The following FRMD4B variants were observed in gnomAD, a reference collection of about 807,000 sequenced individuals.
The protein encoded by FRMD4B is FERM domain-containing protein 4B.
In FRMD4B, 74 loss-of-function variants were observed where a neutral mutation model predicts 141.5. That is an observed-to-expected ratio of 0.52 (90% confidence interval 0.43 to 0.63). The LOEUF (loss-of-function observed/expected upper bound fraction) is 0.63. Among genes scored for constraint, FRMD4B ranks in the 30% least tolerant of loss-of-function variants. The pLI, the probability that FRMD4B is intolerant of heterozygous loss-of-function variation, is 0.00. For synonymous variants in FRMD4B, 506 were observed against 467.9 expected (o/e 1.08, Z -1.05); for missense variants, 1,366 against 1,253.4 (o/e 1.09, Z -1.36).
intron 2 of FRMD4B, among the ~76,000 whole-genome samples, chr3:69,432,109 C>T (rs55667048): frequency 0.013 from 2,024 of 152,172 alleles, 18 homozygotes; most frequent in African/African-American, 0.032. Context: ...GAAAATAAAA[C>T]GCCAGTACTG....
At chr3:69,294,264 A>G (rs758671478) in intron 4 of FRMD4B, among the ~76,000 whole-genome samples, 2 of 152,208 alleles carry the variant, frequency 1.3e-5, no homozygotes, top group South Asian at 2.1e-4. Flanking sequence ...GTAGATTTCT[A>G]TCAGATCCTC....
chr3:69,534,405 A>G (rs1010007263), intron 1 of FRMD4B, among the ~76,000 whole-genome samples: 1 of 152,186 alleles, frequency 6.6e-6, no homozygotes, highest in African/African-American at 2.4e-5. Context: ...TCTATCTATC[A>G]TCTAAAATTA....
intron 1 of FRMD4B, among the ~76,000 whole-genome samples, chr3:69,506,896 G>A (rs139048414): frequency 3.9e-5 from 6 of 152,224 alleles, no homozygotes; most frequent in East Asian, 1.9e-4. Flanking sequence ...CTGCGGTGAC[G>A]ATTTATTTTA....
At chr3:69,274,803 G>A (rs1003532039) in intron 5 of FRMD4B, among the ~76,000 whole-genome samples, 3 of 152,154 alleles carry the variant, frequency 2.0e-5, no homozygotes, top group South Asian at 2.1e-4. Context: ...ACAGGCATGA[G>A]CCACTGCACC....
At chr3:69,477,873 A>C (rs1402687472) in intron 1 of FRMD4B, among the ~76,000 whole-genome samples, 1 of 151,776 alleles carries the variant, frequency 6.6e-6, no homozygotes, top group Non-Finnish European at 1.5e-5. Flanking sequence ...TTATTGCCAC[A>C]ATTTCAGAGC....
At chr3:69,250,013 G>A in intron 6 of FRMD4B, 30 bp downstream of exon 6, 1 of 1,456,994 alleles carries the variant, frequency 6.9e-7, no homozygotes, top group Non-Finnish European at 9.6e-7. Flanking sequence ...ACACAAGGGA[G>A]CTGCTAAGAG....
chr3:69,435,144 T>C (rs1705239897), intron 1 of FRMD4B, among the ~76,000 whole-genome samples: 1 of 152,188 alleles, frequency 6.6e-6, no homozygotes, highest in Non-Finnish European at 1.5e-5. Context: ...TGAGGTACTA[T>C]GAATTAGGAC....
chr3:69,265,277 T>A (rs1167171452), intron 5 of FRMD4B, among the ~76,000 whole-genome samples: 1,672 of 5,310 alleles, frequency 0.31, 619 homozygotes, highest in East Asian at 0.58. Flanking sequence ...AAAATATATA[T>A]ATATATATAT....
chr3:69,179,705 G>A (rs2092685030), intron 21 of FRMD4B, among the ~76,000 whole-genome samples: 1 of 152,206 alleles, frequency 6.6e-6, no homozygotes, highest in African/African-American at 2.4e-5. Context: ...ATGTTAATAA[G>A]GGAGAAGGTG....
chr3:69,181,564 C>T lies in FRMD4B; in HGVS notation c.2186G>A (p.Gly729Glu), dbSNP rs867678169. 1.2e-6 allele frequency: 2 copies of T among 1,613,642 alleles called. No individual in the cohort carries two copies. Among genetic ancestry groups the T allele is most frequent in the Admixed American group, 1.7e-5 (1 of 59,978 alleles). Residue 729 changes from glycine (G) to glutamate (E), a missense_variant, in exon 21 of 23, where the codon GGG (glycine) becomes GAG (glutamate). By Grantham distance (98) the Gly-to-Glu change is moderately conservative. Coordinates refer to ENST00000398540, the MANE Select transcript of FRMD4B (RefSeq NM_015123.3). ...GCTTGATTGGCTTGTATAAGAAGACCCGTCATCGAGGATTTCTGTGCTGCT... is the reference window on the plus strand; with the variant it reads ...GCTTGATTGGCTTGTATAAGAAGACTCGTCATCGAGGATTTCTGTGCTGCT... The part of the protein sequence containing the change: ...RSSSTEILDD[G>E]SSYTSQSSTE...
chr3:69,277,393 G>A (rs972846050), intron 5 of FRMD4B, among the ~76,000 whole-genome samples: 7 of 151,864 alleles, frequency 4.6e-5, no homozygotes, highest in Admixed American at 6.6e-5. Context: ...ATAAACCTAG[G>A]TTTTATCGTG....
intron 1 of FRMD4B, among the ~76,000 whole-genome samples, chr3:69,345,392 TAG>T (rs1309323137): frequency 6.6e-6 from 1 of 152,216 alleles, no homozygotes; most frequent in Non-Finnish European, 1.5e-5. Flanking sequence ...CCTGCCTCTG[TAG>T]ACTCCATCTC....
chr3:69,204,377 T>G lies in FRMD4B; in HGVS notation c.877-5603A>C, dbSNP rs560196194. The stretch of plus-strand genomic sequence containing the variant: ...AGACATCAGGAGAGGCTTGGCTTTT[T>G]AATGGCAACTCATAGTACCTATAGG... On this transcript the variant is annotated intron_variant, in intron 11 of 22. Coordinates refer to ENST00000398540, the MANE Select transcript of FRMD4B (RefSeq NM_015123.3). Among the ~76,000 whole-genome samples, 11 of 152,268 alleles carry G rather than the reference T, an allele frequency of 7.2e-5. No homozygotes were observed. The East Asian group carries it at 2.1e-3, about 29-fold the overall frequency.
intron 1 of FRMD4B, chr3:69,536,651 C>A: frequency 1.0e-6 from 1 of 992,482 alleles, no homozygotes; most frequent in East Asian, 2.6e-5. Flanking sequence ...CTGTGGAAGT[C>A]GAGGAGAGTG....
chr3:69,324,516 A>G (rs1702116850), intron 1 of FRMD4B, among the ~76,000 whole-genome samples: 1 of 152,232 alleles, frequency 6.6e-6, no homozygotes, highest in East Asian at 1.9e-4. Context: ...CCTGGGCACT[A>G]TAGGGTGCTA....
At chr3:69,395,901 G>A (rs2106736846) in intron 2 of FRMD4B, among the ~76,000 whole-genome samples, 1 of 152,282 alleles carries the variant, frequency 6.6e-6, no homozygotes, top group Middle Eastern at 3.4e-3. Flanking sequence ...GTCAATAACA[G>A]AGAAAGAAAA....
intron 2 of FRMD4B, among the ~76,000 whole-genome samples, chr3:69,415,215 T>C (rs535736544): frequency 6.6e-6 from 1 of 152,016 alleles, no homozygotes; most frequent in Non-Finnish European, 1.5e-5. Context: ...AAGAAAGAAA[T>C]AGTCAACATC....
At chr3:69,214,868 T>A (rs904718584) in intron 11 of FRMD4B, among the ~76,000 whole-genome samples, 15 of 99,038 alleles carry the variant, frequency 1.5e-4, no homozygotes, top group African/African-American at 3.3e-4. Flanking sequence ...TCTCAAAAAA[T>A]AATAATAATA....
At chr3:69,456,287 T>C (rs1332571911) in intron 1 of FRMD4B, among the ~76,000 whole-genome samples, 2 of 152,142 alleles carry the variant, frequency 1.3e-5, no homozygotes, top group African/African-American at 4.8e-5. Context: ...GAAGTGTAAG[T>C]TGATGTAAGT....
Sources: allele counts gnomAD v4.1 joint callset (sites outside exome capture counted in the v4.1 genomes callset), GRCh38; gene constraint gnomAD v4.1.1; transcripts MANE v1.5; gene names NCBI Gene and HGNC (gene_info 2026-07-23, HGNC 2026-07-21).